ADPRHL1: variants seen among roughly 807,000 people sequenced by gnomAD.
The protein encoded by ADPRHL1 is inactive ADP-ribosyltransferase ARH2.
Under a neutral mutation model 44.1 loss-of-function variants are expected in ADPRHL1, and 43 were observed. The ratio of observed to expected loss-of-function variants is 0.98; its 90% CI spans 0.76 to 1.26. The LOEUF is 1.26. Among genes scored for constraint, ADPRHL1 ranks in the 50% most tolerant of loss-of-function variants. The pLI, the probability that ADPRHL1 is intolerant of heterozygous loss-of-function variation, is 0.00. For missense variants in ADPRHL1, 2,022 were observed against 2,496.9 expected, an observed-to-expected ratio of 0.81 and a Z score of 4.05; for synonymous variants, 878 against 1,017.4, an observed-to-expected ratio of 0.86 and a Z score of 2.61.
At chr13:113,413,785 C>G (rs969637669) in intron 7 of ADPRHL1, among the ~76,000 whole-genome samples, 2 of 152,220 alleles carry the variant, frequency 1.3e-5, no homozygotes, top group African/African-American at 4.8e-5. Context: ...CTCAGCGTCC[C>G]CTCAGCACTT....
Position 113,399,771 on chromosome 13 carries a change from T to C in ADPRHL1, c.*3607A>G, listed in dbSNP as rs1466185162. Reference sequence around the variant, plus strand: ...AGAAGAATATGAACAAGAACAAATTTAATAAATAGCTGTAGCCTAATACAC... The same window carrying C: ...AGAAGAATATGAACAAGAACAAATTCAATAAATAGCTGTAGCCTAATACAC... On this transcript the variant is annotated 3_prime_UTR_variant, in exon 8 of 8. Transcript: ENST00000612156. 6.6e-6 allele frequency: 1 copy of C among 152,046 alleles called. No homozygotes were observed. Among genetic ancestry groups the C allele is most frequent in the Non-Finnish European group, 1.5e-5 (1 of 67,966 alleles). 9.4% of individuals were successfully genotyped at this position (152,046 alleles called of 1,614,324 possible).
intron 2 of ADPRHL1, among the ~76,000 whole-genome samples, chr13:113,435,080 T>C (rs74330960): frequency 4.9e-4 from 61 of 124,108 alleles, no homozygotes; most frequent in Admixed American, 8.1e-4. Context: ...AGAGTGAACA[T>C]AGGTGTACCC....
At chr13:113,445,525 A>G (rs2044130223) in intron 1 of ADPRHL1, among the ~76,000 whole-genome samples, 1 of 152,170 alleles carries the variant, frequency 6.6e-6, no homozygotes, top group Non-Finnish European at 1.5e-5. Flanking sequence ...ATTTTGTACT[A>G]AAACTGCACT....
At chr13:113,428,794 C>T (rs952010725) in intron 4 of ADPRHL1, among the ~76,000 whole-genome samples, 158 bp downstream of exon 4, 4 of 152,248 alleles carry the variant, frequency 2.6e-5, no homozygotes, top group African/African-American at 9.6e-5. Context: ...CAGCATGGGG[C>T]CTGCCTTGCG....
rs546862750 is a variant in ADPRHL1, at chr13:113,449,171, G to A, written c.214+4053C>T. 24 of 1,022,482 alleles carry A rather than the reference G, an allele frequency of 2.3e-5. No individual in the cohort carries two copies. The East Asian group carries it at 2.3e-3, about 99-fold the overall frequency. The allele number at this position is 1,022,482 out of a possible 1,614,324, so 63.3% of individuals were successfully genotyped here. On this transcript the variant is annotated intron_variant, in intron 1 of 7. Coordinates refer to ENST00000612156, the MANE Select transcript of ADPRHL1 (RefSeq NM_001394807.1). ...TTCAGAGAGGCTCACCCGGAAGGAG[G>A]CAGCCCCAGTCAGAGAGGCTCACCC...
intron 3 of ADPRHL1, 62 bp downstream of exon 3, chr13:113,433,680 G>A (rs1223761846): frequency 1.3e-6 from 2 of 1,511,444 alleles, no homozygotes; most frequent in Non-Finnish European, 1.8e-6. Flanking sequence ...CCTGTGAGGT[G>A]GTTGTGGGTC....
At chr13:113,444,061 C>T (rs996001543) in intron 2 of ADPRHL1, among the ~76,000 whole-genome samples, 3 of 152,238 alleles carry the variant, frequency 2.0e-5, no homozygotes, top group Non-Finnish European at 4.4e-5. Flanking sequence ...GGAGGGGCCC[C>T]GCCTGTGTTC....
intron 1 of ADPRHL1, among the ~76,000 whole-genome samples, chr13:113,450,805 A>G (rs1179191309): frequency 6.6e-6 from 1 of 152,196 alleles, no homozygotes; most frequent in African/African-American, 2.4e-5. Flanking sequence ...TGGAACATGA[A>G]GGCAGACTAG....
rs1170883218 is a variant in ADPRHL1, at chr13:113,404,369, T to G, written c.4913A>C (p.Glu1638Ala). 11 of 1,314,770 alleles carry G rather than the reference T, an allele frequency of 8.4e-6. No homozygotes were observed. The highest frequency in any genetic ancestry group is 1.1e-5 in the Non-Finnish European group (11 of 1,040,038). 81.4% of individuals were successfully genotyped at this position (1,314,770 alleles called of 1,614,324 possible). The change falls in exon 8 of 8, where the codon GAA becomes GCA. Residue 1638 changes from glutamate to alanine, a missense_variant. Transcript: ENST00000612156. The stretch of plus-strand genomic sequence containing the variant: ...TTTCTGGGCCTGACCCTGAACCCGT[T>G]CCTGAGCCCCTTTCTGGGTCTGTTC... Reference protein sequence around the residue: ...AQEQTQKGAQERVQGQAQKGA... With the variant: ...AQEQTQKGAQARVQGQAQKGA...
intron 7 of ADPRHL1, chr13:113,410,165 C>G (rs112086214): frequency 1.0e-6 from 1 of 980,118 alleles, no homozygotes; most frequent in East Asian, 1.1e-4. Context: ...GTGGCAGGGC[C>G]GCAGATGGAA....
chr13:113,449,047 G>T, intron 1 of ADPRHL1: 3 of 987,266 alleles, frequency 3.0e-6, no homozygotes, highest in East Asian at 2.3e-4. Flanking sequence ...TGGCAACATG[G>T]GCTTGTCGTT....
chr13:113,436,259 G>C (rs1193927275), intron 2 of ADPRHL1, among the ~76,000 whole-genome samples: 2 of 150,216 alleles, frequency 1.3e-5, no homozygotes, highest in Non-Finnish European at 3.0e-5. Context: ...GTGAACATAG[G>C]TGTACCCCAG....
intron 4 of ADPRHL1, 111 bp downstream of exon 4, chr13:113,428,841 C>A: frequency 6.6e-7 from 1 of 1,516,210 alleles, no homozygotes; most frequent in Non-Finnish European, 8.9e-7. Flanking sequence ...ACAGGGCCCT[C>A]CCAGTTCCAT....
In ADPRHL1 at chr13:113,413,296, G is replaced by A. The variant is rs551418352; in HGVS notation, c.1062-5076C>T. On this transcript the variant is annotated intron_variant, in intron 7 of 7. Coordinates refer to ENST00000612156, the MANE Select transcript of ADPRHL1 (RefSeq NM_001394807.1). ...GTGCCCTTCAGCCTGGAACAGCCTC[G>A]CTGCCTCCCTGACGAGCTCCTATTC... Among the ~76,000 whole-genome samples, 5 of 152,296 alleles carry A rather than the reference G, an allele frequency of 3.3e-5. No individual in the cohort carries two copies. In the East Asian group the frequency reaches 5.8e-4, roughly 18 times the overall value.
intron 1 of ADPRHL1, among the ~76,000 whole-genome samples, chr13:113,450,608 G>A (rs1371326259): frequency 6.6e-6 from 1 of 152,230 alleles, no homozygotes; most frequent in Non-Finnish European, 1.5e-5. Flanking sequence ...GTAAGGTCAT[G>A]TGGGTCACGT....
chr13:113,418,014 T>G (rs911023111), intron 7 of ADPRHL1, among the ~76,000 whole-genome samples: 11 of 152,236 alleles, frequency 7.2e-5, no homozygotes, highest in African/African-American at 2.4e-4. Context: ...TCTGGCAGCT[T>G]GGGCCTGAGG....
intron 1 of ADPRHL1, among the ~76,000 whole-genome samples, chr13:113,450,032 C>A (rs985166667): frequency 6.6e-6 from 1 of 152,200 alleles, no homozygotes; most frequent in African/African-American, 2.4e-5. Context: ...GGATAACATG[C>A]GTGAAGCAGC....
rs528754980 is a variant in ADPRHL1, at chr13:113,400,815, G to T, written c.*2563C>A. 6.6e-6 allele frequency: 1 copy of T among 152,222 alleles called. No homozygotes were observed. Among genetic ancestry groups the T allele is most frequent in the Non-Finnish European group, 1.5e-5 (1 of 68,040 alleles). 9.4% of individuals were successfully genotyped at this position (152,222 alleles called of 1,614,324 possible). A position where few individuals can be genotyped will look rare whatever the true frequency, so the allele number is the denominator to read the frequency against. ...CAGTCGAGCAGGTGGCCTCCTGGCC[G>T]CTCACAGACTCTGCGCCCGCCAGAC... On this transcript the variant is annotated 3_prime_UTR_variant, in exon 8 of 8. Transcript: ENST00000612156.
In ADPRHL1 at chr13:113,453,307, T is replaced by A. The variant is rs141431509; in HGVS notation, c.131A>T (p.Asp44Val). The A allele has an allele frequency of 6.2e-7, 1 of 1,614,156 alleles. No homozygotes were observed. The highest frequency in any genetic ancestry group is 8.5e-7 in the Non-Finnish European group (1 of 1,180,026). Residue 44 changes from aspartate (D) to valine (V), a missense_variant, in exon 1 of 8, where the codon GAC becomes GTC. Transcript: ENST00000612156. This position sits in a 1 kb window ranked among gnomAD's most constrained non-coding sequence, Gnocchi z 5.4. ...TTCTCCTGGCGAGAGTACGAGGTGGTCCAGGCCCCCGGAACGTTGCAGCTC... is the reference window on the plus strand; with the variant it reads ...TTCTCCTGGCGAGAGTACGAGGTGGACCAGGCCCCCGGAACGTTGCAGCTC... ...QEELQRSGGL[D>V]HLVLSPGEWP... is the part of the protein sequence containing the mutation.
Sources: allele counts gnomAD v4.1 joint callset (sites outside exome capture counted in the v4.1 genomes callset), GRCh38; gene constraint gnomAD v4.1.1; non-coding constraint Gnocchi (gnomAD v3.1); transcripts MANE v1.5; gene names NCBI Gene and HGNC (gene_info 2026-07-23, HGNC 2026-07-21).